PRIM2: variants seen among roughly 807,000 people sequenced by gnomAD.
The protein encoded by PRIM2 is DNA primase subunit 2, also known as DNA primase large subunit.
A neutral mutation model predicts 67.3 loss-of-function variants in PRIM2; 39 were observed. The ratio of observed to expected loss-of-function variants is 0.58; its 90% CI spans 0.45 to 0.76. The LOEUF is 0.76. PRIM2 is among the 30% of genes least tolerant of loss of function. PRIM2 has a pLI of 0.00. For synonymous variants in PRIM2, 143 were observed against 198.7 expected (o/e 0.72, Z 2.36); for missense variants, 398 against 598.7 (o/e 0.66, Z 3.50).
intron 13 of PRIM2, among the ~76,000 whole-genome samples, chr6:57,640,123 A>G (rs1446893441): frequency 1.3e-5 from 2 of 152,244 alleles, no homozygotes; most frequent in Non-Finnish European, 2.9e-5. Context: ...AAACAGAACC[A>G]ATGACAAAAA....
At chr6:57,495,621 C>G (rs1554346311) in intron 7 of PRIM2, among the ~76,000 whole-genome samples, 2 of 152,064 alleles carry the variant, frequency 1.3e-5, no homozygotes, top group Non-Finnish European at 2.9e-5. Flanking sequence ...GATTACTTGC[C>G]CTTCAGTTCT....
At chr6:57,421,772 T>C (rs1166784261) in intron 7 of PRIM2, among the ~76,000 whole-genome samples, 7 of 152,210 alleles carry the variant, frequency 4.6e-5, no homozygotes, top group Non-Finnish European at 5.9e-5. Flanking sequence ...AGATTTTCAT[T>C]TTTCTGTATT....
chr6:57,454,342 G>T (rs1319788271), intron 7 of PRIM2, among the ~76,000 whole-genome samples: 1 of 152,154 alleles, frequency 6.6e-6, no homozygotes, highest in Admixed American at 6.5e-5. Flanking sequence ...CTATTGATTG[G>T]AATAGTTTCA....
At chr6:57,311,374 C>T (rs570772029), upstream of PRIM2, among the ~76,000 whole-genome samples, 94 of 145,592 alleles carry the variant, frequency 6.5e-4, 1 homozygote, top group African/African-American at 2.1e-3. Context: ...GGGGCAGAGG[C>T]ACTCCTCACT....
At chr6:57,364,610 T>C (rs1341041308) in intron 5 of PRIM2, among the ~76,000 whole-genome samples, 5 of 152,164 alleles carry the variant, frequency 3.3e-5, no homozygotes, top group African/African-American at 1.2e-4. Flanking sequence ...GGGTCAATTC[T>C]AGTTCACTCT....
At chr6:57,607,706 A>G (rs1776587963) in intron 12 of PRIM2, among the ~76,000 whole-genome samples, 1 of 152,216 alleles carries the variant, frequency 6.6e-6, no homozygotes, top group South Asian at 2.1e-4. Context: ...GGAATCTAGA[A>G]ATAAAGAATT....
the PRIM2 span, among the ~76,000 whole-genome samples, chr6:57,296,552 G>T: frequency 6.6e-6 from 1 of 152,042 alleles, no homozygotes; most frequent in Non-Finnish European, 1.5e-5. Context: ...TAGAGAGGGT[G>T]GTAGGGTGGT....
intron 10 of PRIM2, among the ~76,000 whole-genome samples, chr6:57,575,054 C>CAGGTAT (rs1197009125): frequency 1.3e-5 from 2 of 152,150 alleles, no homozygotes; most frequent in African/African-American, 4.8e-5. Context: ...ACCCTAGAGT[C>CAGGTAT]AGGTATACCC....
chr6:57,550,765 G>A (rs1223951039), intron 10 of PRIM2, among the ~76,000 whole-genome samples: 8 of 152,120 alleles, frequency 5.3e-5, no homozygotes, highest in Admixed American at 5.2e-4. Context: ...GTACTCTTAG[G>A]GGAAAATGAC....
At chr6:57,622,345 T>C (rs1776874426) in intron 12 of PRIM2, among the ~76,000 whole-genome samples, 1 of 152,328 alleles carries the variant, frequency 6.6e-6, no homozygotes, top group African/African-American at 2.4e-5. Context: ...CATATTTCTG[T>C]TGAGAGCACT....
chr6:57,598,940 C>CTTT (rs1196895159), intron 10 of PRIM2, among the ~76,000 whole-genome samples: 3 of 7,582 alleles, frequency 4.0e-4, no homozygotes, highest in East Asian at 3.7e-3. Flanking sequence ...TGACTGAGCT[C>CTTT]TTTTTTTTTT....
chr6:57,421,188 G>T (rs1331736047), intron 7 of PRIM2, among the ~76,000 whole-genome samples: 1 of 152,164 alleles, frequency 6.6e-6, no homozygotes, highest in African/African-American at 2.4e-5. Flanking sequence ...GAAAGTCATA[G>T]AAAATAGAAC....
chr6:57,295,361 A>T, the PRIM2 span, among the ~76,000 whole-genome samples: 1 of 152,044 alleles, frequency 6.6e-6, no homozygotes, highest in Non-Finnish European at 1.5e-5. Flanking sequence ...AAAAAATTTG[A>T]TTGGGAATAT....
intron 5 of PRIM2, 110 bp from the exon 6 acceptor site, chr6:57,379,791 T>C (rs1353760164): frequency 1.1e-6 from 1 of 937,206 alleles, no homozygotes; most frequent in South Asian, 2.1e-5. Context: ...ATATCAAGGT[T>C]TTAAAATTTT....
chr6:57,586,723 G>A lies in PRIM2; in HGVS notation c.1021-14370G>A, dbSNP rs1388015082. 9.7e-4 allele frequency among the ~76,000 whole-genome samples: 148 copies of A among 152,312 alleles called. 1 individual carries two copies. Among genetic ancestry groups the A allele is most frequent in the African/African-American group, 3.5e-3 (146 of 41,570 alleles). The stretch of plus-strand genomic sequence containing the variant: ...AAGCACAGTACCCTCAGTCTGTGGC[G>A]TTATGGGAAGTGGTGACTAGTCCAG... On this transcript the variant is annotated intron_variant, in intron 10 of 13. Transcript: ENST00000615550.
chr6:57,517,091 G>A (rs1456434966), intron 8 of PRIM2, among the ~76,000 whole-genome samples: 1 of 152,160 alleles, frequency 6.6e-6, no homozygotes, highest in Non-Finnish European at 1.5e-5. Context: ...TATGTATGCA[G>A]TAAGTCAGGA....
intron 7 of PRIM2, among the ~76,000 whole-genome samples, chr6:57,448,459 G>C (rs2191652): frequency 2.6e-5 from 4 of 152,280 alleles, no homozygotes; most frequent in South Asian, 2.1e-4. Flanking sequence ...ATATGAGTGA[G>C]CATGGCCCAG....
At chr6:57,590,160 C>T (rs1776260800) in intron 10 of PRIM2, among the ~76,000 whole-genome samples, 2 of 152,164 alleles carry the variant, frequency 1.3e-5, no homozygotes, top group African/African-American at 4.8e-5. Flanking sequence ...ATTCGATGGA[C>T]ATTTATCTGG....
intron 5 of PRIM2, 40 bp downstream of exon 5, chr6:57,326,085 A>G (rs1018296302): frequency 6.3e-7 from 1 of 1,599,330 alleles, no homozygotes; most frequent in Non-Finnish European, 8.5e-7. Context: ...TGTTCTCACC[A>G]TTCATTTTTC....
Sources: allele counts gnomAD v4.1 joint callset (sites outside exome capture counted in the v4.1 genomes callset), GRCh38; gene constraint gnomAD v4.1.1; transcripts MANE v1.5; gene names NCBI Gene and HGNC (gene_info 2026-07-23, HGNC 2026-07-21).